SNX18: variants seen among roughly 807,000 people sequenced by gnomAD.
The protein encoded by SNX18 is sorting nexin-18.
Under a neutral mutation model 48.7 loss-of-function variants are expected in SNX18, and 35 were observed. That is an observed-to-expected ratio of 0.72 (90% CI 0.55 to 0.95). The LOEUF (loss-of-function observed/expected upper bound fraction) is 0.95, where lower values mean the gene tolerates loss of function less well. SNX18 is among the 40% of genes least tolerant of loss of function. SNX18 has a pLI of 0.00. For missense variants in SNX18, 824 were observed against 871.0 expected (o/e 0.95, Z 0.68); for synonymous variants, 492 against 384.7 (o/e 1.28, Z -3.26).
the SNX18 span, among the ~76,000 whole-genome samples, chr5:54,553,346 G>A: frequency 6.6e-6 from 1 of 152,066 alleles, no homozygotes; most frequent in Admixed American, 6.5e-5. Flanking sequence ...CTGGGGACCT[G>A]GTGGCCACCA....
At chr5:54,540,211 C>CTTTTTTTT (rs58582682) in intron 1 of SNX18, among the ~76,000 whole-genome samples, 1 of 139,648 alleles carries the variant, frequency 7.2e-6, no homozygotes, top group Non-Finnish European at 1.5e-5. Context: ...TAGACTTGTT[C>CTTTTTTTT]TTTTTTTTTT....
the SNX18 span, among the ~76,000 whole-genome samples, chr5:54,605,612 A>G: frequency 6.6e-6 from 1 of 152,188 alleles, no homozygotes; most frequent in South Asian, 2.1e-4. Flanking sequence ...TATTATTTTA[A>G]CATAATCAAC....
the SNX18 span, among the ~76,000 whole-genome samples, chr5:54,642,911 A>T: frequency 6.6e-6 from 1 of 152,292 alleles, no homozygotes; most frequent in East Asian, 1.9e-4. Context: ...GGTGGTCTTG[A>T]CACATGTGTA....
chr5:54,638,937 C>A, the SNX18 span, among the ~76,000 whole-genome samples: 1 of 152,158 alleles, frequency 6.6e-6, no homozygotes, highest in Non-Finnish European at 1.5e-5. Context: ...GGGCCAGCTA[C>A]TAGAGCAGTA....
Position 54,518,807 on chromosome 5 carries a change from G to A in SNX18, c.855G>A (p.Lys285=), listed in dbSNP as rs767993599. Residue 285 remains lysine, a synonymous_variant, in exon 1 of 2, where the codon AAG becomes AAA. Transcript: ENST00000381410. ...AGTGCACCATCGACGACCCCACCAA[G>A]CAGACCAAGTTCAAGGGCATGAAGA... The part of the protein sequence containing the change: ...PFQCTIDDPT[K]QTKFKGMKSY... The A allele has an allele frequency of 1.9e-6, 3 of 1,605,368 alleles. No homozygotes were observed. The highest frequency in any genetic ancestry group is 2.6e-6 in the Non-Finnish European group (3 of 1,175,184).
In SNX18 at chr5:54,519,338, G is replaced by C; in HGVS notation, c.1386G>C (p.Lys462Asn). ...GCAAGCAGGTGACCGGCTTCAAAAAGGAGTATCAGAAGGTGGGCCAGTCCT... is the reference window on the plus strand; with the variant it reads ...GCAAGCAGGTGACCGGCTTCAAAAACGAGTATCAGAAGGTGGGCCAGTCCT... Reference protein sequence around the residue: ...FARKQVTGFKKEYQKVGQSFR... With the variant: ...FARKQVTGFKNEYQKVGQSFR... The change falls in exon 1 of 2, where the codon AAG becomes AAC. Residue 462 changes from lysine (K) to asparagine (N), a missense_variant. By Grantham distance (94) the Lys-to-Asn change is moderately conservative. Transcript: ENST00000381410. 6.2e-7 allele frequency: 1 copy of C among 1,613,620 alleles called. No homozygotes were observed. Among genetic ancestry groups the C allele is most frequent in the Non-Finnish European group, 8.5e-7 (1 of 1,179,696 alleles).
intron 1 of SNX18, among the ~76,000 whole-genome samples, chr5:54,541,551 C>A (rs1318614732): frequency 6.6e-6 from 1 of 152,030 alleles, no homozygotes; most frequent in Non-Finnish European, 1.5e-5. Flanking sequence ...AGAACTGGGA[C>A]AGGGGTCTTC....
At chr5:54,536,085 C>G (rs1561119979) in intron 1 of SNX18, among the ~76,000 whole-genome samples, 1 of 152,172 alleles carries the variant, frequency 6.6e-6, no homozygotes. Flanking sequence ...CACAGAGATC[C>G]CCTGAAGAAG....
chr5:54,617,473 G>T, the SNX18 span, among the ~76,000 whole-genome samples: 4 of 152,184 alleles, frequency 2.6e-5, no homozygotes, highest in Admixed American at 6.5e-5. Context: ...AAAATTTTCA[G>T]TTTTCAGATT....
chr5:54,572,845 G>A, the SNX18 span, among the ~76,000 whole-genome samples: 1 of 125,304 alleles, frequency 8.0e-6, no homozygotes, highest in Non-Finnish European at 1.6e-5. Flanking sequence ...CCAAGCTGGA[G>A]TGCAGTGGTA....
At chr5:54,569,583 C>T in the SNX18 span, among the ~76,000 whole-genome samples, 339 of 152,164 alleles carry the variant, frequency 2.2e-3, no homozygotes, top group African/African-American at 7.7e-3. Flanking sequence ...AGACTTATTT[C>T]TTCACTTTCA....
intron 1 of SNX18, among the ~76,000 whole-genome samples, chr5:54,525,971 T>G (rs1471208439): frequency 6.6e-6 from 1 of 152,184 alleles, no homozygotes; most frequent in Non-Finnish European, 1.5e-5. Flanking sequence ...CACTAGGAAC[T>G]TCGAATGTAA....
In SNX18 at chr5:54,518,233, C is replaced by T. The variant is rs1239689851; in HGVS notation, c.281C>T (p.Pro94Leu). The T allele has an allele frequency of 1.6e-5, 23 of 1,433,654 alleles. No homozygotes were observed. The highest frequency in any genetic ancestry group is 2.1e-4 in the Middle Eastern group (1 of 4,798). 88.8% of individuals were successfully genotyped at this position (1,433,654 alleles called of 1,614,324 possible). Residue 94 changes from proline (P) to leucine (L), a missense_variant, in exon 1 of 2, where the codon CCC becomes CTC. Around this residue, in one of 3 missense-constraint regions of SNX18, gnomAD observed 377 missense variants for 350.6 expected, o/e 1.08. Coordinates refer to ENST00000381410, the MANE Select transcript of SNX18 (RefSeq NM_001102575.2). ...GGFEPLPVAP[P>L]ASFKPPPDAF... ...TTCGAGCCCCTGCCTGTCGCGCCCC[C>T]CGCCTCCTTCAAGCCGCCGCCTGAC...
At chr5:54,620,738 C>A in the SNX18 span, among the ~76,000 whole-genome samples, 4 of 152,214 alleles carry the variant, frequency 2.6e-5, no homozygotes, top group Non-Finnish European at 4.4e-5. Context: ...AAATGTATTT[C>A]TCACAGCTCT....
At chr5:54,614,585 T>C in the SNX18 span, among the ~76,000 whole-genome samples, 1 of 152,052 alleles carries the variant, frequency 6.6e-6, no homozygotes, top group African/African-American at 2.4e-5. Flanking sequence ...GACAGGTAAA[T>C]TGCTTGAGCT....
At chr5:54,547,015 G>T (rs1416455376), downstream of SNX18, among the ~76,000 whole-genome samples, 2 of 152,244 alleles carry the variant, frequency 1.3e-5, no homozygotes, top group African/African-American at 4.8e-5. Context: ...AGTCCCATTT[G>T]GCAAAGCTTG....
intron 1 of SNX18, among the ~76,000 whole-genome samples, chr5:54,525,119 C>T (rs919073453): frequency 1.3e-5 from 2 of 152,206 alleles, no homozygotes; most frequent in African/African-American, 2.4e-5. Context: ...TTTTAACCTG[C>T]GTAACGCTCA....
chr5:54,574,712 C>T, the SNX18 span, among the ~76,000 whole-genome samples: 1 of 152,020 alleles, frequency 6.6e-6, no homozygotes, highest in African/African-American at 2.4e-5. Flanking sequence ...GAACGAGAAC[C>T]AGCAGGCTCT....
the SNX18 span, among the ~76,000 whole-genome samples, chr5:54,615,980 G>A: frequency 1.3e-5 from 2 of 152,170 alleles, no homozygotes; most frequent in Non-Finnish European, 2.9e-5. Flanking sequence ...TTAGAATGAT[G>A]CCTTTACCTG....
Sources: gnomAD v4.1 joint callset for allele counts (sites outside exome capture counted in the v4.1 genomes callset) on GRCh38, gnomAD v4.1.1 for gene constraint, gnomAD v4.1.1 regional missense constraint, MANE v1.5 for transcripts, NCBI Gene and HGNC (gene_info 2026-07-23, HGNC 2026-07-21) for gene names.